Variants in TNKS1BP1 observed in about 807,000 individuals in gnomAD.
TNKS1BP1 encodes the protein CCR4-NOT transcription complex subunit 12.
Under a neutral mutation model 141.1 loss-of-function variants are expected in TNKS1BP1, and 48 were observed. The observed-to-expected ratio is 0.34, with a 90% confidence interval of 0.27 to 0.43. TNKS1BP1 has a LOEUF of 0.43. Ranked by LOEUF, TNKS1BP1 falls within the 20% of genes least tolerant of loss-of-function variation. The pLI is 1.00. For synonymous variants in TNKS1BP1, 875 were observed against 898.2 expected (o/e 0.97, Z 0.46); for missense variants, 2,149 against 2,226.0 (o/e 0.97, Z 0.70).
chr11:57,320,338 C>A lies in TNKS1BP1; in HGVS notation c.469G>T (p.Ala157Ser), dbSNP rs151184444. The A allele has an allele frequency of 9.9e-6, 16 of 1,614,068 alleles. No individual in the cohort carries two copies. The highest frequency in any genetic ancestry group is 1.4e-5 in the Non-Finnish European group (16 of 1,180,050). ...AGGATCTCTTCCACCGTGGTGGCCG[C>A]GAAGCGCTCTGAGGCTGGGCGGAAA... The part of the protein sequence containing the change: ...APFRPASERF[A>S]ATTVEEILAK... The change falls in exon 3 of 12, where the codon GCG (alanine) becomes TCG (serine). Residue 157 changes from alanine (A) to serine (S), a missense_variant. By Grantham distance (99) the Ala-to-Ser change is moderately conservative (BLOSUM62 1). Coordinates refer to ENST00000358252, the MANE Select transcript of TNKS1BP1 (RefSeq NM_033396.3).
chr11:57,321,744 T>TGGCCCCCCCCC, intron 2 of TNKS1BP1, 48 bp downstream of exon 2: 1 of 1,039,820 alleles, frequency 9.6e-7, no homozygotes, highest in Non-Finnish European at 1.5e-6. Flanking sequence ...CCTCTGTCCT[T>TGGCCCCCCCCC]CCCACCCCCC....
rs371033913 is a variant in TNKS1BP1 at position 57,301,919 on chromosome 11, G to A, written c.4859C>T (p.Ser1620Phe). Residue 1620 changes from serine (S) to phenylalanine (F), a missense_variant, in exon 9 of 12, where the codon TCT becomes TTT. By Grantham distance (155) the Ser-to-Phe change is radical. Coordinates refer to ENST00000358252, the MANE Select transcript of TNKS1BP1 (RefSeq NM_033396.3). ...STEPRASRVP[S>F]SDEEVVEEPQ... ...TTCCTCCACTACCTCTTCATCTGAA[G>A]ATGGCACCCGAGATGCCCGTGGCTC... 1 of 1,613,886 alleles carries A rather than the reference G, an allele frequency of 6.2e-7. No individual in the cohort carries two copies. Among genetic ancestry groups the A allele is most frequent in the African/African-American group, 1.3e-5 (1 of 74,882 alleles).
In TNKS1BP1 at chr11:57,308,765, C is replaced by T; in HGVS notation, c.3946G>A (p.Gly1316Ser). The T allele has an allele frequency of 6.2e-7, 1 of 1,614,052 alleles. No homozygotes were observed. Among genetic ancestry groups the T allele is most frequent in the Non-Finnish European group, 8.5e-7 (1 of 1,180,014 alleles). ...VGQMDWGNNL[G>S]LRDLEVTCDP... Reference sequence around the variant, plus strand: ...CAGGTCACCTCCAAATCCCTCAGGCCCAGATTGTTACCCCAGTCCATCTGG... The same window carrying T: ...CAGGTCACCTCCAAATCCCTCAGGCTCAGATTGTTACCCCAGTCCATCTGG... The change falls in exon 6 of 12, where the codon GGC becomes AGC. Residue 1316 changes from glycine to serine, a missense_variant. Transcript: ENST00000358252.
intron 2 of TNKS1BP1, 58 bp from the exon 3 acceptor site, chr11:57,320,770 C>G: frequency 2.7e-6 from 4 of 1,484,528 alleles, no homozygotes; most frequent in Non-Finnish European, 2.7e-6. Context: ...AGCAGAACTT[C>G]TTTGTTTCCT....
At chr11:57,324,767 T>A (rs1417476364) in intron 1 of TNKS1BP1, 73 bp downstream of exon 1, 4 of 981,490 alleles carry the variant, frequency 4.1e-6, no homozygotes, top group Non-Finnish European at 4.8e-6. Context: ...AAGCACCCAC[T>A]CCTTCCATGC....
At chr11:57,300,710 G>A in intron 10 of TNKS1BP1, 110 bp from the exon 11 acceptor site, 1 of 1,519,640 alleles carries the variant, frequency 6.6e-7, no homozygotes, top group Non-Finnish European at 9.1e-7. Context: ...GGCAGTCTGG[G>A]GCCTGGCTGC....
chr11:57,300,952 C>A lies in TNKS1BP1; in HGVS notation c.5061G>T (p.Ser1687=), dbSNP rs141896209. The A allele has an allele frequency of 1.2e-6, 2 of 1,613,978 alleles. No individual in the cohort carries two copies. The highest frequency in any genetic ancestry group is 1.7e-5 in the Admixed American group (1 of 59,976). ...CCAGTCCTGGGACCTTGCAGGATTT[C>A]GAACGCTGGACCGCGGACTCCTTCT... ...SSQKESAVQR[S]KSCKVPGLGK... Residue 1687 remains serine (S), a synonymous_variant, in exon 10 of 12, where the codon TCG becomes TCT. Coordinates refer to ENST00000358252, the MANE Select transcript of TNKS1BP1 (RefSeq NM_033396.3).
chr11:57,305,418 T>C (rs1855594325), intron 6 of TNKS1BP1, among the ~76,000 whole-genome samples: 1 of 152,158 alleles, frequency 6.6e-6, no homozygotes, highest in South Asian at 2.1e-4. Flanking sequence ...TCTTGTCGCA[T>C]CTACACCCTT....
At position 57,324,831 on chromosome 11, in the gene TNKS1BP1, C is replaced by A. The variant is rs1590600697; in HGVS notation, c.-66+9G>T. On this transcript the variant is annotated intron_variant, in intron 1 of 11. Transcript: ENST00000358252. ...CCCCTCCTTCGCCCGACCGCCCCCG[C>A]GCACTCACGCGCTCGCCCGGGGTCC... 1 of 985,640 alleles carries A rather than the reference C, an allele frequency of 1.0e-6. No individual in the cohort carries two copies. Among genetic ancestry groups the A allele is most frequent in the South Asian group, 4.5e-5 (1 of 22,134 alleles). The allele number at this position is 985,640 out of a possible 1,614,324, so 61.1% of individuals were successfully genotyped here. A position where few individuals can be genotyped will look rare whatever the true frequency, so the allele number is the denominator to read the frequency against.
chr11:57,314,883 C>T (rs1002488327), intron 4 of TNKS1BP1, among the ~76,000 whole-genome samples: 1 of 152,164 alleles, frequency 6.6e-6, no homozygotes, highest in African/African-American at 2.4e-5. Flanking sequence ...CTGCTTGCTT[C>T]TCAAGGTCCC....
rs1013040936 is a variant in TNKS1BP1 at position 57,308,509 on chromosome 11, A to G, written c.4202T>C (p.Val1401Ala). The change falls in exon 6 of 12, where the codon GTT becomes GCT. Residue 1401 changes from valine to alanine, a missense_variant. By Grantham distance (64) the Val-to-Ala change is moderately conservative. Coordinates refer to ENST00000358252, the MANE Select transcript of TNKS1BP1 (RefSeq NM_033396.3). ...RDPLEARELG[V>A]GETSGPETQG... ...GGTCTCTGGCCCACTTGTCTCACCA[A>G]CCCCCAGCTCCCTGGCCTCCAAGGG... 1.9e-6 allele frequency: 3 copies of G among 1,613,314 alleles called. No homozygotes were observed. Among genetic ancestry groups the G allele is most frequent in the Non-Finnish European group, 2.5e-6 (3 of 1,179,856 alleles).
In TNKS1BP1 at chr11:57,302,565, C is replaced by G; in HGVS notation, c.4577G>C (p.Gly1526Ala). The stretch of plus-strand genomic sequence containing the variant: ...ATCGCTCCACCTGGCTGCTGAAGAG[C>G]CCCAGGTGCCATCCACGTCTTCTGT... ...SQTEDVDGTW[G>A]SSAARWSDQG... Residue 1526 changes from glycine to alanine, a missense_variant, in exon 7 of 12, where the codon GGC becomes GCC. Coordinates refer to ENST00000358252, the MANE Select transcript of TNKS1BP1 (RefSeq NM_033396.3). The surrounding 1 kb of genome is among the most constrained non-coding windows in gnomAD (Gnocchi z 5.5). 6.2e-7 allele frequency: 1 copy of G among 1,613,084 alleles called. No homozygotes were observed. Among genetic ancestry groups the G allele is most frequent in the Non-Finnish European group, 8.5e-7 (1 of 1,179,898 alleles).
chr11:57,324,097 C>T (rs1590599766), intron 1 of TNKS1BP1, among the ~76,000 whole-genome samples: 1 of 152,320 alleles, frequency 6.6e-6, no homozygotes, highest in East Asian at 1.9e-4. Context: ...ACGAGCTGAC[C>T]CCTGGCAGAT....
rs754622374 is a variant in TNKS1BP1, at chr11:57,309,578, G to A, written c.3133C>T (p.Gln1045Ter). ...GCATCACTGTTTTGCCAGCTGCTCTGGTCTCTCTGCCCGAGTGCCCCATCC... is the reference window on the plus strand; with the variant it reads ...GCATCACTGTTTTGCCAGCTGCTCTAGTCTCTCTGCCCGAGTGCCCCATCC... ...VPDGALGQRD[Q>*]SSWQNSDASQ... is the part of the protein sequence containing the mutation. Residue 1045 changes from glutamine to a stop codon, truncating the protein, a stop_gained, in exon 6 of 12, where the codon CAG (glutamine) becomes TAG (stop). Coordinates refer to ENST00000358252, the MANE Select transcript of TNKS1BP1 (RefSeq NM_033396.3). LOFTEE classifies it high-confidence loss of function. The surrounding 1 kb of genome is among the most constrained non-coding windows in gnomAD (Gnocchi z 4.3). The A allele has an allele frequency of 6.2e-7, 1 of 1,613,440 alleles. No homozygotes were observed. The highest frequency in any genetic ancestry group is 8.5e-7 in the Non-Finnish European group (1 of 1,180,026).
In TNKS1BP1 at chr11:57,313,351, G is replaced by A. The variant is rs765987423; in HGVS notation, c.1337C>T (p.Ser446Leu). 14 of 1,612,526 alleles carry A rather than the reference G, an allele frequency of 8.7e-6. No individual in the cohort carries two copies. Among genetic ancestry groups the A allele is most frequent in the Admixed American group, 1.7e-5 (1 of 59,982 alleles). Residue 446 changes from serine to leucine, a missense_variant, in exon 5 of 12, where the codon TCG (serine) becomes TTG (leucine). Transcript: ENST00000358252. ...PSQDQEKLGG[S>L]LAALPQGQGS... ...CTGGCCTTGGGGCAGGGCAGCCAGC[G>A]AGCCCCCCAGCTTCTCCTGGTCCTG...
intron 6 of TNKS1BP1, among the ~76,000 whole-genome samples, chr11:57,304,152 C>A (rs746997314): frequency 1.3e-5 from 2 of 152,104 alleles, no homozygotes; most frequent in Non-Finnish European, 2.9e-5. Flanking sequence ...CACACTCATA[C>A]TACGCACAGA....
chr11:57,300,827 CT>C, intron 10 of TNKS1BP1, 56 bp downstream of exon 10: 1 of 1,572,954 alleles, frequency 6.4e-7, no homozygotes, highest in Non-Finnish European at 8.6e-7. Context: ...GAGAGTTTCC[CT>C]TTTCATCAGG....
chr11:57,306,903 T>TGG (rs796934603), intron 6 of TNKS1BP1, among the ~76,000 whole-genome samples: 4,879 of 70,018 alleles, frequency 0.07, 306 homozygotes, highest in African/African-American at 0.2. Context: ...GCTGTGGTGG[T>TGG]GGGGGGGGGG....
chr11:57,309,748 G>C lies in TNKS1BP1; in HGVS notation c.2963C>G (p.Pro988Arg). The change falls in exon 6 of 12, where the codon CCC (proline) becomes CGC (arginine). Residue 988 changes from proline (P) to arginine (R), a missense_variant. Coordinates refer to ENST00000358252, the MANE Select transcript of TNKS1BP1 (RefSeq NM_033396.3). The surrounding 1 kb of genome is among the most constrained non-coding windows in gnomAD (Gnocchi z 4.3). ...CTCATCCTGTTGCTGGGCTTCCTCG[G>C]GGCTGAACCCAGAGCTCAGGGGTCT... Reference protein sequence around the residue: ...GTRPLSSGFSPEEAQQQDEEF... With the variant: ...GTRPLSSGFSREEAQQQDEEF... 1 of 1,614,178 alleles carries C rather than the reference G, an allele frequency of 6.2e-7. No homozygotes were observed.
Sources: allele counts gnomAD v4.1 joint callset (sites outside exome capture counted in the v4.1 genomes callset), GRCh38; gene constraint gnomAD v4.1.1; non-coding constraint Gnocchi (gnomAD v3.1); transcripts MANE v1.5; gene names NCBI Gene and HGNC (gene_info 2026-07-23, HGNC 2026-07-21).